Variants in RSF1 observed in about 807,000 individuals in gnomAD.
The protein encoded by RSF1 is remodeling and spacing factor 1, also known as HBV pX-associated protein 8.
RSF1 carries 13 observed loss-of-function variants against 145.2 expected under a neutral mutation model. The observed-to-expected ratio is 0.09, with a 90% CI of 0.06 to 0.14. The LOEUF is 0.14. RSF1 is among the 10% of genes least tolerant of loss of function. RSF1 has a pLI of 1.00. For missense variants in RSF1, 1,517 were observed against 1,718.2 expected, an observed-to-expected ratio of 0.88 and a Z score of 2.07; for synonymous variants, 577 against 592.6, an observed-to-expected ratio of 0.97 and a Z score of 0.38.
In RSF1 at chr11:77,702,080, T is replaced by C; in HGVS notation, c.1149A>G (p.Pro383=). 6.2e-7 allele frequency: 1 copy of C among 1,612,878 alleles called. No homozygotes were observed. Among genetic ancestry groups the C allele is most frequent in the Non-Finnish European group, 8.5e-7 (1 of 1,179,734 alleles). Residue 383 remains proline, a synonymous_variant, in exon 6 of 16, where the codon CCA becomes CCG. Coordinates refer to ENST00000308488, the MANE Select transcript of RSF1 (RefSeq NM_016578.4). ...KLKNDQQAKI[P]LKKREIKLSD... ...TCAGTTTAATTTCTCGTTTTTTTAG[T>C]GGTATCTTGGCCTGCTGGTCATTTT...
chr11:77,792,580 T>A (rs1948528126), intron 1 of RSF1, among the ~76,000 whole-genome samples: 1 of 152,108 alleles, frequency 6.6e-6, no homozygotes, highest in African/African-American at 2.4e-5. Flanking sequence ...CAGCCTCTAC[T>A]AATAACCAGA....
chr11:77,732,287 T>C (rs1030343754), intron 4 of RSF1, among the ~76,000 whole-genome samples: 2 of 152,230 alleles, frequency 1.3e-5, no homozygotes, highest in Non-Finnish European at 2.9e-5. Flanking sequence ...GTTTACCCAA[T>C]GCCTGTACCC....
At chr11:77,752,405 G>C (rs745775012) in intron 2 of RSF1, among the ~76,000 whole-genome samples, 20 of 152,126 alleles carry the variant, frequency 1.3e-4, no homozygotes, top group Non-Finnish European at 2.5e-4. Context: ...CTAAGGTGGG[G>C]GATGCCAGAA....
chr11:77,751,277 A>G lies in RSF1; in HGVS notation c.280-4149T>C, dbSNP rs115785221. 6.8e-3 allele frequency among the ~76,000 whole-genome samples: 1,041 copies of G among 152,326 alleles called. 9 individuals carry two copies. Among genetic ancestry groups the G allele is most frequent in the African/African-American group, 0.016 (680 of 41,574 alleles). On this transcript the variant is annotated intron_variant, in intron 2 of 15. Coordinates refer to ENST00000308488, the MANE Select transcript of RSF1 (RefSeq NM_016578.4). Reference sequence around the variant, plus strand: ...TAACAATAATTCTTTTGGATAACTCATAAGAAATTTAAAAAGAGGGTGTGA... The same window carrying G: ...TAACAATAATTCTTTTGGATAACTCGTAAGAAATTTAAAAAGAGGGTGTGA...
the RSF1 span, chr11:77,829,664 A>G: frequency 6.6e-6 from 1 of 152,342 alleles, no homozygotes; most frequent in South Asian, 2.1e-4. Flanking sequence ...GAAGAAAACA[A>G]GGGTAAATCT....
chr11:77,822,359 G>T (rs1948950866), upstream of RSF1, among the ~76,000 whole-genome samples: 1 of 140,266 alleles, frequency 7.1e-6, no homozygotes, highest in Admixed American at 7.7e-5. Flanking sequence ...AGGTTGCAGT[G>T]AGTCGAGGTC....
chr11:77,704,338 A>G lies in RSF1; in HGVS notation c.734-1843T>C, dbSNP rs182927762. 1.9e-3 allele frequency among the ~76,000 whole-genome samples: 286 copies of G among 152,256 alleles called. 4 individuals carry two copies. The highest frequency in any genetic ancestry group is 6.7e-3 in the African/African-American group (278 of 41,544). ...AAAAATAGAAACAAACAAACAAAACAAAAAAACCTTCAACCCAATACTAAG... is the reference window on the plus strand; with the variant it reads ...AAAAATAGAAACAAACAAACAAAACGAAAAAACCTTCAACCCAATACTAAG... On this transcript the variant is annotated intron_variant, in intron 5 of 15. Transcript: ENST00000308488.
rs73506762 is a variant in RSF1 at position 77,686,068 on chromosome 11, A to G, written c.2901-909T>C. ...ACAGACTTGAGCCAATGACATCTCC[A>G]TAGTTTCATTTCCAAGAAACAAACC... On this transcript the variant is annotated intron_variant, in intron 9 of 15. Transcript: ENST00000308488. Among the ~76,000 whole-genome samples the G allele has an allele frequency of 5.1e-3, 774 of 152,188 alleles. 9 individuals carry two copies. Among genetic ancestry groups the G allele is most frequent in the African/African-American group, 0.018 (741 of 41,522 alleles).
chr11:77,689,763 G>C (rs1377026448), intron 9 of RSF1, among the ~76,000 whole-genome samples: 1 of 152,180 alleles, frequency 6.6e-6, no homozygotes, highest in Admixed American at 6.5e-5. Context: ...TGAATGATCA[G>C]AAATAGATTA....
chr11:77,794,896 G>T (rs757222481), intron 1 of RSF1, among the ~76,000 whole-genome samples: 3 of 152,052 alleles, frequency 2.0e-5, no homozygotes, highest in Non-Finnish European at 4.4e-5. Context: ...ATCCAAATTG[G>T]AAAGAAGGAG....
Position 77,675,096 on chromosome 11 carries a change from T to C in RSF1, c.3502A>G (p.Lys1168Glu), listed in dbSNP as rs1959664854. ...QSRRLRRKTP[K>E]KKYSDDDEEE... Reference sequence around the variant, plus strand: ...TCATCATCATCGGAATATTTTTTCTTTGGGGTCTTTCTTCGCAAACGCCTG... The same window carrying C: ...TCATCATCATCGGAATATTTTTTCTCTGGGGTCTTTCTTCGCAAACGCCTG... The change falls in exon 14 of 16, where the codon AAG becomes GAG. Residue 1168 changes from lysine to glutamate, a missense_variant. Lys to Glu is a moderately conservative substitution (Grantham distance 56). Coordinates refer to ENST00000308488, the MANE Select transcript of RSF1 (RefSeq NM_016578.4). The C allele has an allele frequency of 6.2e-7, 1 of 1,614,078 alleles. No individual in the cohort carries two copies. Among genetic ancestry groups the C allele is most frequent in the Non-Finnish European group, 8.5e-7 (1 of 1,179,992 alleles).
chr11:77,690,990 T>TA lies in RSF1; in HGVS notation c.2900+168dup. 9.0e-6 allele frequency: 5 copies of TA among 555,790 alleles called. 1 individual carries two copies. Among genetic ancestry groups the TA allele is most frequent in the South Asian group, 2.9e-5 (1 of 34,694 alleles). The allele number at this position is 555,790 out of a possible 1,614,324, so 34.4% of individuals were successfully genotyped here. A position where few individuals can be genotyped will look rare whatever the true frequency, so the allele number is the denominator to read the frequency against. On this transcript the variant is annotated intron_variant, in intron 9 of 15. Transcript: ENST00000308488. ...TTTTCCCCCCAATCATTTAAAAACA[T>TA]AAAAAACATTCTTAGTTAGCAGGCA...
chr11:77,733,003 T>G (rs191328928), intron 4 of RSF1, among the ~76,000 whole-genome samples: 225 of 152,344 alleles, frequency 1.5e-3, no homozygotes, highest in African/African-American at 5.1e-3. Flanking sequence ...ATTCATTGTA[T>G]GAGTAATGTT....
intron 2 of RSF1, among the ~76,000 whole-genome samples, chr11:77,761,047 C>T (rs1291740583): frequency 1.3e-5 from 2 of 152,096 alleles, no homozygotes; most frequent in Non-Finnish European, 2.9e-5. Context: ...CAGATTCAAG[C>T]GGTTCTCCTG....
intron 15 of RSF1, among the ~76,000 whole-genome samples, chr11:77,670,612 T>G (rs993970106): frequency 6.6e-6 from 1 of 152,180 alleles, no homozygotes; most frequent in African/African-American, 2.4e-5. Flanking sequence ...GGGCCTAGCT[T>G]AATAAATATT....
Position 77,710,403 on chromosome 11 carries a change from A to AAAC in RSF1, c.734-7909_734-7908insGTT, listed in dbSNP as rs1256729907. ...TTATTCCTTATTTTGTTGATAGTTTAGTTTTACAAGTTTATTTTCTTTTTA... is the reference window on the plus strand; with the variant it reads ...TTATTCCTTATTTTGTTGATAGTTTAAACGTTTTACAAGTTTATTTTCTTTTTA... On this transcript the variant is annotated intron_variant, in intron 5 of 15. Coordinates refer to ENST00000308488, the MANE Select transcript of RSF1 (RefSeq NM_016578.4). 1.3e-3 allele frequency among the ~76,000 whole-genome samples: 203 copies of AAAC among 152,248 alleles called. 3 individuals are homozygous for AAAC. The highest frequency in any genetic ancestry group is 1.9e-4 in the Non-Finnish European group (13 of 67,986).
chr11:77,799,691 T>A (rs1405473034), intron 1 of RSF1, among the ~76,000 whole-genome samples: 1 of 152,138 alleles, frequency 6.6e-6, no homozygotes, highest in Non-Finnish European at 1.5e-5. Context: ...GAATTTGTCA[T>A]GTAAATGGAA....
chr11:77,740,324 G>A (rs1364382105), intron 4 of RSF1, among the ~76,000 whole-genome samples: 1 of 152,210 alleles, frequency 6.6e-6, no homozygotes, highest in South Asian at 2.1e-4. Flanking sequence ...ACAGTGAGCC[G>A]AGATTGCGCC....
chr11:77,710,127 CA>C (rs550786950), intron 5 of RSF1, among the ~76,000 whole-genome samples: 120 of 151,824 alleles, frequency 7.9e-4, no homozygotes, highest in African/African-American at 2.7e-3. Flanking sequence ...TCTTCTTTAC[CA>C]AAAATAACTA....
Sources: gnomAD v4.1 joint callset for allele counts (sites outside exome capture counted in the v4.1 genomes callset) on GRCh38, gnomAD v4.1.1 for gene constraint, MANE v1.5 for transcripts, NCBI Gene and HGNC (gene_info 2026-07-23, HGNC 2026-07-21) for gene names.